NR3C1: variants seen among roughly 807,000 people sequenced by gnomAD.
NR3C1 encodes the protein nuclear receptor subfamily 3 group C member 1, also known as glucocorticoid receptor.
Under a neutral mutation model 74.0 loss-of-function variants are expected in NR3C1, and 14 were observed. The ratio of observed to expected loss-of-function variants is 0.19; its 90% CI spans 0.12 to 0.30. NR3C1 has a LOEUF of 0.30. NR3C1 is among the 10% of genes least tolerant of loss of function. The pLI, the probability that NR3C1 is intolerant of heterozygous loss-of-function variation, is 1.00. For synonymous variants in NR3C1, 308 were observed against 332.5 expected (o/e 0.93, Z 0.80); for missense variants, 695 against 909.8 (o/e 0.76, Z 3.04).
chr5:143,366,307 G>A (rs757204255), intron 2 of NR3C1, among the ~76,000 whole-genome samples: 3 of 151,982 alleles, frequency 2.0e-5, no homozygotes, highest in East Asian at 1.9e-4. Flanking sequence ...TCAGGAGTTC[G>A]AGACCAGCCT....
chr5:143,370,228 G>C (rs951730357), intron 2 of NR3C1, among the ~76,000 whole-genome samples: 7 of 152,098 alleles, frequency 4.6e-5, no homozygotes, highest in African/African-American at 1.7e-4. Context: ...CACATTGAGG[G>C]ATGCTATCAA....
chr5:143,397,792 G>A (rs1839501359), intron 2 of NR3C1, among the ~76,000 whole-genome samples: 1 of 151,856 alleles, frequency 6.6e-6, no homozygotes, highest in Non-Finnish European at 1.5e-5. Context: ...ATGTCATGAA[G>A]TACTATAAAA....
At chr5:143,332,972 C>A (rs1480486867) in intron 2 of NR3C1, 2 of 1,586,006 alleles carry the variant, frequency 1.3e-6, no homozygotes, top group African/African-American at 2.7e-5. Flanking sequence ...GTGGACAAGC[C>A]AAGGTCAAGA....
chr5:143,424,871 T>C (rs1422858559), intron 1 of NR3C1, among the ~76,000 whole-genome samples: 1 of 152,210 alleles, frequency 6.6e-6, no homozygotes, highest in South Asian at 2.1e-4. Flanking sequence ...GAAATTGTCC[T>C]CCTTTAGAGA....
At chr5:143,431,887 G>T (rs1428698039) in intron 1 of NR3C1, among the ~76,000 whole-genome samples, 1 of 152,144 alleles carries the variant, frequency 6.6e-6, no homozygotes, top group Non-Finnish European at 1.5e-5. Context: ...TGGATGAGTG[G>T]ACTATAACAA....
At chr5:143,333,696 A>G (rs1213345081) in intron 2 of NR3C1, among the ~76,000 whole-genome samples, 1 of 152,198 alleles carries the variant, frequency 6.6e-6, no homozygotes, top group African/African-American at 2.4e-5. Context: ...TGAACCCAGG[A>G]GGCAGAGACT....
chr5:143,363,972 A>G (rs1380726630), intron 2 of NR3C1, among the ~76,000 whole-genome samples: 1 of 152,204 alleles, frequency 6.6e-6, no homozygotes, highest in Non-Finnish European at 1.5e-5. Flanking sequence ...GAAAGGGGCA[A>G]AAAGATTATT....
intron 2 of NR3C1, among the ~76,000 whole-genome samples, chr5:143,385,989 A>G (rs2151901770): frequency 6.6e-6 from 1 of 152,326 alleles, no homozygotes; most frequent in South Asian, 2.1e-4. Context: ...TTACAAAGAA[A>G]AGAGGTTCAA....
chr5:143,357,572 A>G (rs1292863765), intron 2 of NR3C1, among the ~76,000 whole-genome samples: 1 of 152,202 alleles, frequency 6.6e-6, no homozygotes, highest in Non-Finnish European at 1.5e-5. Context: ...CAAACAGGGG[A>G]ATGCCATGCT....
In NR3C1 at chr5:143,384,938, T is replaced by A. The variant is rs148652442; in HGVS notation, c.1184+14718A>T. Reference sequence around the variant, plus strand: ...TCCTCTGCACTGCCCTAGCAGAGGATCTCCATGAGGGCTCTGCCCCTGCAG... The same window carrying A: ...TCCTCTGCACTGCCCTAGCAGAGGAACTCCATGAGGGCTCTGCCCCTGCAG... On this transcript the variant is annotated intron_variant, in intron 2 of 8. Transcript: ENST00000394464. Among the ~76,000 whole-genome samples the A allele has an allele frequency of 4.2e-3, 640 of 152,272 alleles. 2 individuals carry two copies. Among genetic ancestry groups the A allele is most frequent in the African/African-American group, 0.015 (614 of 41,540 alleles).
At chr5:143,334,862 A>C (rs1443354341) in intron 2 of NR3C1, among the ~76,000 whole-genome samples, 2 of 152,244 alleles carry the variant, frequency 1.3e-5, no homozygotes, top group African/African-American at 4.8e-5. Context: ...AAAAGGGAGC[A>C]AAAGGGTATA....
At chr5:143,400,962 A>C (rs1840158803) in intron 1 of NR3C1, 110 bp from the exon 2 acceptor site, 1 of 815,098 alleles carries the variant, frequency 1.2e-6, no homozygotes, top group Admixed American at 2.0e-5. Flanking sequence ...CTTTTAGTTA[A>C]CTCCGAATCA....
chr5:143,315,892 C>G (rs1821973461), intron 2 of NR3C1, among the ~76,000 whole-genome samples: 1 of 152,158 alleles, frequency 6.6e-6, no homozygotes, highest in Non-Finnish European at 1.5e-5. Context: ...TGAATCTTGC[C>G]AACTGCCTGC....
At chr5:143,329,921 A>T (rs1418405794) in intron 2 of NR3C1, among the ~76,000 whole-genome samples, 3 of 152,166 alleles carry the variant, frequency 2.0e-5, no homozygotes, top group Non-Finnish European at 4.4e-5. Flanking sequence ...ACATACTAAA[A>T]AATGTATTGT....
chr5:143,415,915 A>C (rs1841461089), intron 1 of NR3C1, among the ~76,000 whole-genome samples: 2 of 152,210 alleles, frequency 1.3e-5, no homozygotes, highest in Non-Finnish European at 2.9e-5. Flanking sequence ...CAATTAGAGC[A>C]GTAGTCATGG....
At chr5:143,387,595 T>C (rs9324918) in intron 2 of NR3C1, among the ~76,000 whole-genome samples, 23,016 of 152,098 alleles carry the variant, frequency 0.15, 1,924 homozygotes, top group African/African-American at 0.17. Flanking sequence ...TTCCTGAACA[T>C]TAGAGCAGTT....
At chr5:143,333,199 G>C in intron 2 of NR3C1, 1 of 1,555,400 alleles carries the variant, frequency 6.4e-7, no homozygotes, top group Non-Finnish European at 8.7e-7. Context: ...CCTGGCTATC[G>C]GGGTGAACGC....
intron 2 of NR3C1, among the ~76,000 whole-genome samples, chr5:143,397,749 G>A (rs1033624430): frequency 2.0e-5 from 3 of 151,746 alleles, no homozygotes; most frequent in Non-Finnish European, 4.4e-5. Context: ...ATAAGGTTAT[G>A]GGACCCAAAT....
chr5:143,407,136 G>A (rs10052957), upstream of NR3C1: 42,702 of 152,140 alleles, frequency 0.28, 6,254 homozygotes, highest in Middle Eastern at 0.35. Flanking sequence ...TTCAGACTCA[G>A]TCAAGGCAAG....
Sources: gnomAD v4.1 joint callset for allele counts (sites outside exome capture counted in the v4.1 genomes callset) on GRCh38, gnomAD v4.1.1 for gene constraint, MANE v1.5 for transcripts, NCBI Gene and HGNC (gene_info 2026-07-23, HGNC 2026-07-21) for gene names.